AUTS2: variants seen among roughly 807,000 people sequenced by gnomAD.
AUTS2 encodes activator of transcription and developmental regulator AUTS2.
Under a neutral mutation model 112.4 loss-of-function variants are expected in AUTS2, and 17 were observed. The ratio of observed to expected loss-of-function variants is 0.15; its 90% confidence interval spans 0.10 to 0.23. The LOEUF (loss-of-function observed/expected upper bound fraction) is 0.23. AUTS2 is among the 10% of genes least tolerant of loss of function. The pLI is 1.00. For synonymous variants in AUTS2, 751 were observed against 702.7 expected (o/e 1.07, Z -1.09); for missense variants, 1,510 against 1,701.6 (o/e 0.89, Z 1.98).
intron 1 of AUTS2, among the ~76,000 whole-genome samples, chr7:69,787,445 G>A (rs993522315): frequency 5.9e-5 from 9 of 152,176 alleles, no homozygotes; most frequent in Non-Finnish European, 1.0e-4. Context: ...GTCTTTTGTT[G>A]GCGAGACGAG....
intron 1 of AUTS2, among the ~76,000 whole-genome samples, chr7:69,811,365 A>G (rs1014936127): frequency 6.6e-6 from 1 of 152,128 alleles, no homozygotes; most frequent in African/African-American, 2.4e-5. Context: ...AAGGTCTGGC[A>G]TGTGATGGAT....
At chr7:70,203,539 A>G (rs893420791) in intron 4 of AUTS2, among the ~76,000 whole-genome samples, 20 of 148,490 alleles carry the variant, frequency 1.3e-4, no homozygotes, top group African/African-American at 4.5e-4. Context: ...GGACTAACAG[A>G]TTTCTGGCTT....
At chr7:69,797,758 A>G (rs1387433039) in intron 1 of AUTS2, among the ~76,000 whole-genome samples, 1 of 149,862 alleles carries the variant, frequency 6.7e-6, no homozygotes, top group Non-Finnish European at 1.5e-5. Flanking sequence ...GATTTTAAAA[A>G]AAGAAACAGG....
intron 4 of AUTS2, among the ~76,000 whole-genome samples, chr7:70,305,113 A>C (rs1245060362): frequency 1.3e-5 from 2 of 152,128 alleles, no homozygotes; most frequent in Non-Finnish European, 2.9e-5. Context: ...TTATATTGAT[A>C]ATACCATAAT....
At chr7:69,795,925 G>C (rs1789821615) in intron 1 of AUTS2, among the ~76,000 whole-genome samples, 1 of 152,170 alleles carries the variant, frequency 6.6e-6, no homozygotes, top group Admixed American at 6.5e-5. Flanking sequence ...ATGCCTGCCT[G>C]TTCTCTTTCC....
rs944367960 is a variant in AUTS2, at chr7:69,721,926, G to A, written c.309+121964G>A. Among the ~76,000 whole-genome samples the A allele has an allele frequency of 8.9e-4, 136 of 152,222 alleles. 1 individual carries two copies. The highest frequency in any genetic ancestry group is 2.9e-3 in the African/African-American group (122 of 41,542). ...ATGACAAAGGGGCCTGAGAGGTAGG[G>A]TTGGGGAGGACATGTGAAACATATG... is the stretch of plus-strand genomic sequence containing the variant. On this transcript the variant is annotated intron_variant, in intron 1 of 18. Coordinates refer to ENST00000342771, the MANE Select transcript of AUTS2 (RefSeq NM_015570.4).
chr7:69,774,479 C>T (rs537055393), intron 1 of AUTS2, among the ~76,000 whole-genome samples: 6 of 152,274 alleles, frequency 3.9e-5, no homozygotes, highest in African/African-American at 7.2e-5. Context: ...CGCATGAATG[C>T]GAATAGCCAG....
rs1336473194 is a variant in AUTS2, at chr7:70,790,004, G to A, written c.2788G>A (p.Gly930Ser). The A allele has an allele frequency of 6.3e-7, 1 of 1,598,096 alleles. No individual in the cohort carries two copies. ...GCACGGCCACGAGGGGCGCGCCGCGGGCGAAGAGGCCAAGCAGCTGGCCCG... is the reference window on the plus strand; with the variant it reads ...GCACGGCCACGAGGGGCGCGCCGCGAGCGAAGAGGCCAAGCAGCTGGCCCG... ...DGHGHEGRAA[G>S]EEAKQLARVP... The change falls in exon 19 of 19, where the codon GGC (glycine) becomes AGC (serine). Residue 930 changes from glycine to serine, a missense_variant. Gly to Ser is a moderately conservative substitution (Grantham distance 56). Around this residue, in one of 3 missense-constraint regions of AUTS2, gnomAD observed 788 missense variants for 797.6 expected, o/e 0.99. Transcript: ENST00000342771. The surrounding 1 kb of genome is among the most constrained non-coding windows in gnomAD (Gnocchi z 7.6).
intron 4 of AUTS2, among the ~76,000 whole-genome samples, chr7:70,421,276 C>A (rs1795209406): frequency 7.4e-6 from 1 of 134,744 alleles, no homozygotes; most frequent in Admixed American, 7.8e-5. Context: ...TTTCTCTCAT[C>A]CCCCCCAACC....
chr7:69,615,367 A>G (rs958269343), intron 1 of AUTS2, among the ~76,000 whole-genome samples: 11 of 152,058 alleles, frequency 7.2e-5, no homozygotes, highest in African/African-American at 2.7e-4. Context: ...CAGTGGCATG[A>G]TCTTGGCCTA....
intron 4 of AUTS2, among the ~76,000 whole-genome samples, chr7:70,301,119 C>T (rs898935595): frequency 2.0e-5 from 3 of 152,136 alleles, no homozygotes; most frequent in South Asian, 4.2e-4. Context: ...ATAATTCAAA[C>T]TGAGGTTTCC....
chr7:69,889,585 A>C (rs1737412465), intron 1 of AUTS2, among the ~76,000 whole-genome samples: 1 of 152,180 alleles, frequency 6.6e-6, no homozygotes, highest in Admixed American at 6.5e-5. Flanking sequence ...GCACATTTTC[A>C]TGTACTTGTT....
chr7:69,762,293 CTTTTTTTTTTTTTTTTT>C (rs534032498), intron 1 of AUTS2, among the ~76,000 whole-genome samples: 8 of 61,598 alleles, frequency 1.3e-4, no homozygotes, highest in South Asian at 1.8e-3. Flanking sequence ...GCCAAGTTGT[CTTTTTTTTTTTTTTTTT>C]TTTTTTTTTT....
At chr7:69,988,271 C>T (rs1384069487) in intron 2 of AUTS2, among the ~76,000 whole-genome samples, 2 of 152,096 alleles carry the variant, frequency 1.3e-5, no homozygotes, top group Non-Finnish European at 1.5e-5. Flanking sequence ...TGGTATTGTT[C>T]TAGCCTTCCC....
chr7:70,341,962 G>A (rs1012771913), intron 4 of AUTS2, among the ~76,000 whole-genome samples: 20 of 152,180 alleles, frequency 1.3e-4, no homozygotes, highest in African/African-American at 4.6e-4. Context: ...ACTTGGGCCC[G>A]GGACAGCTAT....
At chr7:70,363,477 A>AAG in intron 4 of AUTS2, among the ~76,000 whole-genome samples, 1 of 151,782 alleles carries the variant, frequency 6.6e-6, no homozygotes, top group Middle Eastern at 3.4e-3. Context: ...AAAAAAAAAA[A>AAG]AAAAAAATCT....
chr7:70,102,569 G>A (rs1347566698), intron 2 of AUTS2, among the ~76,000 whole-genome samples: 1 of 151,820 alleles, frequency 6.6e-6, no homozygotes, highest in Non-Finnish European at 1.5e-5. Context: ...ATGTATTGTA[G>A]GTATAAGCAC....
At chr7:70,484,395 T>C (rs971505298) in intron 5 of AUTS2, among the ~76,000 whole-genome samples, 2 of 152,032 alleles carry the variant, frequency 1.3e-5, no homozygotes, top group African/African-American at 4.8e-5. Flanking sequence ...GTGGTCAGAG[T>C]AGTACTTGGG....
At chr7:70,085,980 A>G (rs547413824) in intron 2 of AUTS2, among the ~76,000 whole-genome samples, 7 of 152,326 alleles carry the variant, frequency 4.6e-5, no homozygotes, top group African/African-American at 1.4e-4. Flanking sequence ...AAAGCCTAAA[A>G]TATTTACTGT....
Sources: allele counts gnomAD v4.1 joint callset (sites outside exome capture counted in the v4.1 genomes callset), GRCh38; gene constraint gnomAD v4.1.1; regional missense constraint gnomAD v4.1.1; non-coding constraint Gnocchi (gnomAD v3.1); transcripts MANE v1.5; gene names NCBI Gene and HGNC (gene_info 2026-07-23, HGNC 2026-07-21).